C12orf42: variants seen among roughly 807,000 people sequenced by gnomAD.
The protein encoded by C12orf42 is uncharacterized protein C12orf42.
In C12orf42, 25 loss-of-function variants were observed where a neutral mutation model predicts 21.6. The observed-to-expected ratio is 1.16, with a 90% CI of 0.84 to 1.62. The LOEUF is 1.62. Ranked by LOEUF, C12orf42 falls within the 40% of genes most tolerant of loss-of-function variation. The pLI is 0.00. For synonymous variants in C12orf42, 174 were observed against 175.0 expected, an observed-to-expected ratio of 0.99 and a Z score of 0.05; for missense variants, 483 against 459.3, an observed-to-expected ratio of 1.05 and a Z score of -0.47.
At chr12:103,382,881 T>C (rs2046302955) in intron 3 of C12orf42, among the ~76,000 whole-genome samples, 1 of 152,118 alleles carries the variant, frequency 6.6e-6, no homozygotes, top group African/African-American at 2.4e-5. Flanking sequence ...TCACTAACCT[T>C]TCTAGAGTTC....
intron 2 of C12orf42, among the ~76,000 whole-genome samples, chr12:103,417,491 T>C (rs2049461140): frequency 6.6e-6 from 1 of 152,184 alleles, no homozygotes; most frequent in African/African-American, 2.4e-5. Context: ...CATATTCCCC[T>C]GCACACACCT....
At chr12:103,403,399 G>A (rs2048182933) in intron 2 of C12orf42, among the ~76,000 whole-genome samples, 1 of 151,688 alleles carries the variant, frequency 6.6e-6, no homozygotes, top group Admixed American at 6.6e-5. Flanking sequence ...AAAGAAAAAG[G>A]ATGCAGGGGC....
chr12:103,357,570 C>T (rs937085038), intron 4 of C12orf42, among the ~76,000 whole-genome samples: 1 of 151,966 alleles, frequency 6.6e-6, no homozygotes, highest in African/African-American at 2.4e-5. Context: ...TTGATCATTG[C>T]CATCATACTG....
chr12:103,172,085 G>A, the C12orf42 span, among the ~76,000 whole-genome samples: 29 of 152,150 alleles, frequency 1.9e-4, no homozygotes, highest in Non-Finnish European at 3.2e-4. Flanking sequence ...CTGTTTCTAA[G>A]AATGGGCATC....
chr12:103,361,716 G>A (rs2044127939), intron 4 of C12orf42, among the ~76,000 whole-genome samples: 1 of 151,986 alleles, frequency 6.6e-6, no homozygotes, highest in African/African-American at 2.4e-5. Flanking sequence ...AGCTGGGTGA[G>A]GCCTGTGACT....
intron 3 of C12orf42, among the ~76,000 whole-genome samples, chr12:103,392,938 G>A (rs925565241): frequency 2.6e-5 from 4 of 152,204 alleles, no homozygotes; most frequent in African/African-American, 9.6e-5. Flanking sequence ...GGTGGAGGTG[G>A]TGGCAGGTGG....
At position 103,485,211 on chromosome 12, in the gene C12orf42, C is replaced by T. The variant is rs1011256004; in HGVS notation, c.-21-6764G>A. Among the ~76,000 whole-genome samples the T allele has an allele frequency of 3.0e-4, 46 of 152,056 alleles. 1 individual carries two copies. Among genetic ancestry groups the T allele is most frequent in the Non-Finnish European group, 1.6e-4 (11 of 68,008 alleles). On this transcript the variant is annotated intron_variant, in intron 1 of 5. Coordinates refer to ENST00000548883, the MANE Select transcript of C12orf42 (RefSeq NM_198521.5). ...ATATGGCTAGCCAGTTTTCCCAGCA[C>T]CATTTATTAAATAGGGAATACTTTC...
At chr12:103,089,028 G>A in the C12orf42 span, among the ~76,000 whole-genome samples, 1 of 151,118 alleles carries the variant, frequency 6.6e-6, no homozygotes, top group African/African-American at 2.4e-5. Context: ...CGTGAACCCG[G>A]GAGGCGGAGC....
chr12:103,068,983 A>G, the C12orf42 span, among the ~76,000 whole-genome samples: 1 of 95,498 alleles, frequency 1.0e-5, no homozygotes, highest in East Asian at 3.6e-4. Context: ...ATATATATAT[A>G]TATATATAAT....
chr12:103,232,284 G>T, the C12orf42 span, among the ~76,000 whole-genome samples: 1 of 152,046 alleles, frequency 6.6e-6, no homozygotes, highest in Non-Finnish European at 1.5e-5. Flanking sequence ...AGTATCTTTA[G>T]CACAGTAGAA....
At chr12:103,360,595 C>T (rs959311054) in intron 4 of C12orf42, among the ~76,000 whole-genome samples, 6 of 150,670 alleles carry the variant, frequency 4.0e-5, no homozygotes, top group African/African-American at 1.5e-4. Context: ...ATCTTGAAGT[C>T]ACATATTTTT....
chr12:103,283,688 T>C (rs1246879928), intron 4 of C12orf42, among the ~76,000 whole-genome samples: 6 of 152,336 alleles, frequency 3.9e-5, no homozygotes, highest in South Asian at 4.1e-4. Flanking sequence ...TCTCCTATTA[T>C]GCTTTCTGAC....
Position 103,306,098 on chromosome 12 carries a change from T to A in C12orf42, c.507A>T (p.Gln169His). 1 of 1,614,016 alleles carries A rather than the reference T, an allele frequency of 6.2e-7. No individual in the cohort carries two copies. The highest frequency in any genetic ancestry group is 8.5e-7 in the Non-Finnish European group (1 of 1,179,868). Residue 169 changes from glutamine to histidine, a missense_variant, in exon 5 of 6, where the codon CAA becomes CAT. By Grantham distance (24) the Gln-to-His change is conservative (BLOSUM62 0). Transcript: ENST00000548883. The stretch of plus-strand genomic sequence containing the variant: ...GTGCCCAGTTAGGCTTTTTAACCAG[T>A]TGTTCCAAAAATGAACTGTTCCAAG... ...KQAWNSSFLE[Q>H]LVKKPNWAHS...
At chr12:103,225,025 G>A in the C12orf42 span, among the ~76,000 whole-genome samples, 1 of 152,184 alleles carries the variant, frequency 6.6e-6, no homozygotes, top group African/African-American at 2.4e-5. Context: ...TGAAGTAATG[G>A]GGGCTGTCTA....
At position 103,495,461 on chromosome 12, in the gene C12orf42, G is replaced by T. The variant is rs923346811; in HGVS notation, c.-22+441C>A. Among the ~76,000 whole-genome samples the T allele has an allele frequency of 4.0e-5, 6 of 149,124 alleles. No homozygotes were observed. The South Asian group carries it at 8.3e-4, about 21-fold the overall frequency. ...CTCCCCCTTCCTGTATTAGCATGCG[G>T]GCGGCGGCGAGCCGGCCGGGTGGGG... is the stretch of plus-strand genomic sequence containing the variant. On this transcript the variant is annotated intron_variant, in intron 1 of 5. Coordinates refer to ENST00000548883, the MANE Select transcript of C12orf42 (RefSeq NM_198521.5).
intron 2 of C12orf42, among the ~76,000 whole-genome samples, chr12:103,445,288 T>C (rs10745969): frequency 0.87 from 132,664 of 152,052 alleles, 58,065 homozygotes; most frequent in African/African-American, 0.95. Flanking sequence ...TCCCACGTTT[T>C]GTCTGTGTTG....
At chr12:103,255,823 G>A (rs1057126103) in intron 10 of C12orf42, among the ~76,000 whole-genome samples, 1 of 150,606 alleles carries the variant, frequency 6.6e-6, no homozygotes, top group African/African-American at 2.4e-5. Context: ...AGGCCGAGGC[G>A]GGTGGATCAC....
intron 3 of C12orf42, among the ~76,000 whole-genome samples, chr12:103,390,073 T>C (rs1172551439): frequency 6.6e-6 from 1 of 152,200 alleles, no homozygotes; most frequent in Non-Finnish European, 1.5e-5. Flanking sequence ...GTTATTCCAC[T>C]GTTGCCAGCC....
the C12orf42 span, among the ~76,000 whole-genome samples, chr12:103,222,462 G>C: frequency 6.6e-6 from 1 of 152,126 alleles, no homozygotes; most frequent in Admixed American, 6.5e-5. Flanking sequence ...GTGGGGCAGG[G>C]CATATTCACT....
Sources: allele counts gnomAD v4.1 joint callset (sites outside exome capture counted in the v4.1 genomes callset), GRCh38; gene constraint gnomAD v4.1.1; transcripts MANE v1.5; gene names NCBI Gene and HGNC (gene_info 2026-07-23, HGNC 2026-07-21).